Variants in DLGAP2 observed in about 807,000 individuals in gnomAD.
The protein encoded by DLGAP2 is disks large-associated protein 2.
Under a neutral mutation model 100.3 loss-of-function variants are expected in DLGAP2, and 26 were observed. The observed-to-expected ratio is 0.26, with a 90% CI of 0.19 to 0.36. The LOEUF (loss-of-function observed/expected upper bound fraction) is 0.36. DLGAP2 is among the 10% of genes least tolerant of loss of function. The pLI, the probability that DLGAP2 is intolerant of heterozygous loss-of-function variation, is 1.00. For missense variants in DLGAP2, 1,858 were observed against 1,453.2 expected, an observed-to-expected ratio of 1.28 and a Z score of -4.53; for synonymous variants, 886 against 630.1, an observed-to-expected ratio of 1.41 and a Z score of -6.08.
chr8:1,306,567 G>C (rs893017593), intron 3 of DLGAP2, among the ~76,000 whole-genome samples: 2 of 152,078 alleles, frequency 1.3e-5, no homozygotes, highest in Non-Finnish European at 2.9e-5. Flanking sequence ...GGAATTACAA[G>C]GGACCCCAAA....
At chr8:826,491 T>C (rs971254369) in intron 1 of DLGAP2, among the ~76,000 whole-genome samples, 1 of 152,204 alleles carries the variant, frequency 6.6e-6, no homozygotes, top group African/African-American at 2.4e-5. Flanking sequence ...ATGTGAGACT[T>C]TTTCCCCACA....
At chr8:1,410,035 G>A (rs1796684362) in intron 3 of DLGAP2, among the ~76,000 whole-genome samples, 1 of 152,176 alleles carries the variant, frequency 6.6e-6, no homozygotes, top group African/African-American at 2.4e-5. Context: ...CGTGCTGCAG[G>A]TGTGTAGACC....
At chr8:1,191,569 C>T (rs983029354) in intron 2 of DLGAP2, among the ~76,000 whole-genome samples, 2 of 152,134 alleles carry the variant, frequency 1.3e-5, no homozygotes, top group South Asian at 2.1e-4. Flanking sequence ...TCTGAAAATC[C>T]GCCCTCTGCA....
At chr8:1,424,586 G>A (rs187229105) in intron 3 of DLGAP2, among the ~76,000 whole-genome samples, 21 of 152,340 alleles carry the variant, frequency 1.4e-4, no homozygotes, top group African/African-American at 4.8e-4. Flanking sequence ...CAAGGACGGT[G>A]TGATTACCCT....
At chr8:1,181,297 C>T (rs1009553980) in intron 2 of DLGAP2, among the ~76,000 whole-genome samples, 10 of 152,302 alleles carry the variant, frequency 6.6e-5, no homozygotes, top group South Asian at 2.1e-4. Flanking sequence ...GTACACTTAA[C>T]GTGTTTCGTG....
At chr8:1,221,225 T>C (rs1402562454) in intron 2 of DLGAP2, among the ~76,000 whole-genome samples, 1 of 152,214 alleles carries the variant, frequency 6.6e-6, no homozygotes, top group Non-Finnish European at 1.5e-5. Flanking sequence ...GTTTTTGTGG[T>C]GGCAGATAAG....
intron 3 of DLGAP2, among the ~76,000 whole-genome samples, chr8:1,451,457 C>T (rs182328455): frequency 6.6e-6 from 1 of 152,190 alleles, no homozygotes; most frequent in East Asian, 1.9e-4. Context: ...TCTGAAAGGG[C>T]GCTGGTGCCA....
At chr8:1,529,264 A>G (rs1467351010) in intron 4 of DLGAP2, among the ~76,000 whole-genome samples, 1 of 152,206 alleles carries the variant, frequency 6.6e-6, no homozygotes, top group African/African-American at 2.4e-5. Context: ...CTCACTCACT[A>G]TCATGAGAAC....
intron 3 of DLGAP2, among the ~76,000 whole-genome samples, chr8:1,453,742 T>C (rs1375874818): frequency 6.6e-6 from 1 of 152,204 alleles, no homozygotes; most frequent in Non-Finnish European, 1.5e-5. Context: ...ACTTGCCTAT[T>C]AGAAAATGTG....
At chr8:1,426,256 A>G (rs776860598) in intron 3 of DLGAP2, among the ~76,000 whole-genome samples, 1 of 152,226 alleles carries the variant, frequency 6.6e-6, no homozygotes, top group South Asian at 2.1e-4. Flanking sequence ...TTAAGAACAG[A>G]TGTCTATGAA....
At chr8:1,690,731 T>TAAAAAAA (rs1799238630) in intron 12 of DLGAP2, among the ~76,000 whole-genome samples, 1 of 120,100 alleles carries the variant, frequency 8.3e-6, no homozygotes, top group African/African-American at 3.0e-5. Flanking sequence ...AAAAAAAAAT[T>TAAAAAAA]AGTATTTGAT....
At chr8:1,653,570 A>C (rs900300529) in intron 8 of DLGAP2, among the ~76,000 whole-genome samples, 9 of 152,238 alleles carry the variant, frequency 5.9e-5, no homozygotes, top group Non-Finnish European at 1.3e-4. Flanking sequence ...TGGCAGGACC[A>C]ACGGCAGCCC....
chr8:814,278 A>G (rs1345985844), intron 1 of DLGAP2, among the ~76,000 whole-genome samples: 2 of 152,216 alleles, frequency 1.3e-5, no homozygotes, highest in African/African-American at 4.8e-5. Flanking sequence ...ATAAGATCAA[A>G]TGGACACACT....
chr8:1,247,393 G>C (rs1298708183), intron 2 of DLGAP2, among the ~76,000 whole-genome samples: 5 of 139,124 alleles, frequency 3.6e-5, no homozygotes, highest in South Asian at 2.4e-4. Context: ...TGGTGGCCGG[G>C]AAGACCTTTG....
At chr8:1,448,423 C>G (rs374850788) in intron 3 of DLGAP2, among the ~76,000 whole-genome samples, 10 of 152,158 alleles carry the variant, frequency 6.6e-5, no homozygotes, top group African/African-American at 2.2e-4. Context: ...GTCCTGACTT[C>G]CAGTTTGATT....
chr8:1,677,229 C>G (rs893259014), intron 11 of DLGAP2, among the ~76,000 whole-genome samples: 1 of 152,104 alleles, frequency 6.6e-6, no homozygotes, highest in Non-Finnish European at 1.5e-5. Flanking sequence ...CATCAGGGAG[C>G]GTTTTAGCAC....
chr8:1,605,141 G>A (rs915898918), intron 6 of DLGAP2, among the ~76,000 whole-genome samples: 2 of 152,116 alleles, frequency 1.3e-5, no homozygotes, highest in Non-Finnish European at 2.9e-5. Context: ...TTCCACTGCC[G>A]AAAGAGGAAA....
intron 2 of DLGAP2, among the ~76,000 whole-genome samples, chr8:1,042,870 G>A (rs1245105474): frequency 1.4e-4 from 18 of 128,124 alleles, no homozygotes; most frequent in Non-Finnish European, 1.5e-4. Flanking sequence ...GGTGGTGGGT[G>A]TGGGTGGTGG....
At chr8:1,045,814 T>G (rs1802497919) in intron 2 of DLGAP2, among the ~76,000 whole-genome samples, 1 of 152,158 alleles carries the variant, frequency 6.6e-6, no homozygotes, top group Non-Finnish European at 1.5e-5. Flanking sequence ...ACATTGGCAG[T>G]AAGCAGGAAT....
Sources: gnomAD v4.1 joint callset for allele counts (sites outside exome capture counted in the v4.1 genomes callset) on GRCh38, gnomAD v4.1.1 for gene constraint, MANE v1.5 for transcripts, NCBI Gene and HGNC (gene_info 2026-07-23, HGNC 2026-07-21) for gene names.